Variants in TTC21B observed in about 807,000 individuals in gnomAD.
TTC21B encodes tetratricopeptide repeat domain 21B.
A neutral mutation model predicts 175.1 loss-of-function variants in TTC21B; 127 were observed. The ratio of observed to expected loss-of-function variants is 0.73; its 90% CI spans 0.63 to 0.84. The LOEUF is 0.84. TTC21B is among the 40% of genes least tolerant of loss of function. The probability of loss-of-function intolerance (pLI) is 0.00; values close to 1 mark genes in which losing one functional copy is unlikely to be tolerated. For synonymous variants in TTC21B, 524 were observed against 524.5 expected, an observed-to-expected ratio of 1.00 and a Z score of 0.01; for missense variants, 1,561 against 1,558.3, an observed-to-expected ratio of 1.00 and a Z score of -0.03.
intron 5 of TTC21B, among the ~76,000 whole-genome samples, chr2:165,941,842 T>C (rs952011101): frequency 6.6e-6 from 1 of 152,150 alleles, no homozygotes; most frequent in Non-Finnish European, 1.5e-5. Flanking sequence ...TTTGTAGACG[T>C]AGATTTACTG....
intron 27 of TTC21B, among the ~76,000 whole-genome samples, chr2:165,876,489 C>T (rs1684667323): frequency 2.6e-5 from 4 of 152,168 alleles, no homozygotes; most frequent in Non-Finnish European, 4.4e-5. Context: ...GCTGCCATCC[C>T]ACAAGTGTGG....
chr2:165,888,421 T>C lies in TTC21B; in HGVS notation c.3317A>G (p.Lys1106Arg). ...CTGAGGTTTTAGTTCCTTAAGAAGT[T>C]TTTCTGCTGTTCTTACTGCCAGTTG... ...SVQLAVRTAEKLLKELKPQTV... is the reference protein window; with the variant it reads ...SVQLAVRTAERLLKELKPQTV... Residue 1106 changes from lysine to arginine, a missense_variant, in exon 25 of 29, where the codon AAA becomes AGA. By Grantham distance (26) the Lys-to-Arg change is conservative (BLOSUM62 2). Transcript: ENST00000243344. The C allele has an allele frequency of 6.2e-7, 1 of 1,613,934 alleles. No individual in the cohort carries two copies. Among genetic ancestry groups the C allele is most frequent in the South Asian group, 1.1e-5 (1 of 91,082 alleles).
intron 13 of TTC21B, among the ~76,000 whole-genome samples, chr2:165,918,444 G>A (rs1686261913): frequency 6.6e-6 from 1 of 152,044 alleles, no homozygotes; most frequent in Non-Finnish European, 1.5e-5. Flanking sequence ...ACAGGCACCC[G>A]CCACCACGCC....
Position 165,929,262 on chromosome 2 carries a change from T to C in TTC21B, c.1259A>G (p.Asn420Ser), listed in dbSNP as rs1267990831. The C allele has an allele frequency of 6.2e-6, 10 of 1,612,926 alleles. No homozygotes were observed. In the Admixed American group the frequency reaches 1.2e-4, roughly 19 times the overall value. ...KRQEEVINLLNDVLDTHFSQL... is the reference protein window; with the variant it reads ...KRQEEVINLLSDVLDTHFSQL... Reference sequence around the variant, plus strand: ...TGAAAAGTGAGTGTCCAGGACATCATTTAACAAATTAATAACTTCTTCTTG... The same window carrying C: ...TGAAAAGTGAGTGTCCAGGACATCACTTAACAAATTAATAACTTCTTCTTG... Residue 420 changes from asparagine (N) to serine (S), a missense_variant, in exon 11 of 29, where the codon AAT becomes AGT. Transcript: ENST00000243344.
At chr2:165,907,861 C>T (rs982460402) in intron 18 of TTC21B, 77 bp from the exon 19 acceptor site, 11 of 1,033,010 alleles carry the variant, frequency 1.1e-5, no homozygotes, top group Non-Finnish European at 1.6e-5. Flanking sequence ...ATTTTTAAAA[C>T]TGGTCTCTAG....
intron 3 of TTC21B, among the ~76,000 whole-genome samples, chr2:165,946,791 T>C (rs1202595093): frequency 1.3e-5 from 2 of 152,054 alleles, no homozygotes; most frequent in Non-Finnish European, 1.5e-5. Flanking sequence ...TGAGCCTAGA[T>C]TGCACCACTG....
At chr2:165,899,966 G>A (rs1685497848) in intron 20 of TTC21B, 86 bp from the exon 21 acceptor site, 1 of 501,732 alleles carries the variant, frequency 2.0e-6, no homozygotes, top group African/African-American at 2.3e-5. Flanking sequence ...TTAAACTTTA[G>A]TTGACCAAAA....
chr2:165,929,674 G>T lies in TTC21B; in HGVS notation c.1161C>A (p.Ile387=). The stretch of plus-strand genomic sequence containing the variant: ...CCGCAGATTTTCCAATGGATTGCTG[G>T]ATTTCATTTAAAAATTCTAGCTGCT... ...ADQQLEFLNE[I]QQSIGKSAEL... is the part of the protein sequence containing the mutation. The change falls in exon 10 of 29, where the codon ATC becomes ATA. Residue 387 remains isoleucine (I), a synonymous_variant. Coordinates refer to ENST00000243344, the MANE Select transcript of TTC21B (RefSeq NM_024753.5). The T allele has an allele frequency of 6.2e-7, 1 of 1,612,250 alleles. No individual in the cohort carries two copies. Among genetic ancestry groups the T allele is most frequent in the Admixed American group, 1.7e-5 (1 of 59,896 alleles).
chr2:165,890,224 T>C (rs1685140780), intron 24 of TTC21B, among the ~76,000 whole-genome samples: 1 of 152,226 alleles, frequency 6.6e-6, no homozygotes, highest in South Asian at 2.1e-4. Flanking sequence ...ATGTCTATTA[T>C]TATTTAGGAA....
chr2:165,921,788 C>CTT (rs569807955), intron 12 of TTC21B, among the ~76,000 whole-genome samples: 9 of 129,038 alleles, frequency 7.0e-5, no homozygotes, highest in African/African-American at 2.3e-4. Context: ...GCTGCTCTTC[C>CTT]TTTTTTTTTT....
intron 6 of TTC21B, among the ~76,000 whole-genome samples, chr2:165,937,621 A>C (rs1687199109): frequency 6.6e-6 from 1 of 152,060 alleles, no homozygotes; most frequent in Non-Finnish European, 1.5e-5. Context: ...CTATTAAAAA[A>C]CAGTTTGGTG....
At chr2:165,910,713 T>C (rs1370040036) in intron 18 of TTC21B, among the ~76,000 whole-genome samples, 1 of 152,090 alleles carries the variant, frequency 6.6e-6, no homozygotes. Flanking sequence ...AAATAAGATA[T>C]ATAAACAAAA....
chr2:165,893,098 T>C (rs1685249131), intron 22 of TTC21B, among the ~76,000 whole-genome samples: 1 of 152,332 alleles, frequency 6.6e-6, no homozygotes, highest in East Asian at 1.9e-4. Context: ...ATATTGGTCT[T>C]GTCCTTTAGC....
Position 165,898,695 on chromosome 2 carries a change from G to A in TTC21B, c.2941C>T (p.Arg981Cys), listed in dbSNP as rs749278599. 3.7e-5 allele frequency: 60 copies of A among 1,608,900 alleles called. 1 individual carries two copies. Among genetic ancestry groups the A allele is most frequent in the South Asian group, 1.9e-4 (17 of 91,002 alleles). Residue 981 changes from arginine (R) to cysteine (C), a missense_variant, in exon 22 of 29, where the codon CGT (arginine) becomes TGT (cysteine). Transcript: ENST00000243344. ...AVFHLQQLLE[R>C]KPDNYMTLSR... ...ATAAGTAGGTATTTACCTGGCTTAC[G>A]TTCTAAAAGCTGCTGTAAATGAAAC...
At position 165,933,058 on chromosome 2, in the gene TTC21B, C is replaced by A; in HGVS notation, c.711-1G>T. On this transcript the variant is annotated splice_acceptor_variant, in intron 6 of 28. Coordinates refer to ENST00000243344, the MANE Select transcript of TTC21B (RefSeq NM_024753.5). LOFTEE classifies it high-confidence loss of function. ...ATTTTGGCTATCTTGGAGCAGCAAC[C>A]TGCAGGAAAACAATTTAGTTAATGT... The A allele has an allele frequency of 6.2e-7, 1 of 1,611,772 alleles. No homozygotes were observed. The highest frequency in any genetic ancestry group is 8.5e-7 in the Non-Finnish European group (1 of 1,178,914).
chr2:165,875,795 T>C (rs1684646854), intron 28 of TTC21B, among the ~76,000 whole-genome samples: 1 of 151,396 alleles, frequency 6.6e-6, no homozygotes, highest in South Asian at 2.1e-4. Context: ...TTTAACATGT[T>C]TCTCCCACTG....
At chr2:165,928,260 T>C (rs1686750862) in intron 11 of TTC21B, among the ~76,000 whole-genome samples, 1 of 152,092 alleles carries the variant, frequency 6.6e-6, no homozygotes, top group African/African-American at 2.4e-5. Context: ...TCTGAAAAGA[T>C]AAAATTTCAC....
At chr2:165,901,320 T>A (rs187263845) in intron 20 of TTC21B, among the ~76,000 whole-genome samples, 1 of 152,272 alleles carries the variant, frequency 6.6e-6, no homozygotes, top group East Asian at 1.9e-4. Context: ...TGTTTCTATT[T>A]TTTTATTTTA....
At position 165,874,715 on chromosome 2, in the gene TTC21B, T is replaced by C. The variant is rs747104869; in HGVS notation, c.*40A>G. 4 of 1,566,762 alleles carry C rather than the reference T, an allele frequency of 2.6e-6. No individual in the cohort carries two copies. In the South Asian group the frequency reaches 3.3e-5, roughly 13 times the overall value. ...AGGAAGAACTGAAAGTTAGATTTCT[T>C]TCATTTCCTGTTAAACCAACACCTA... is the stretch of plus-strand genomic sequence containing the variant. On this transcript the variant is annotated 3_prime_UTR_variant, in exon 29 of 29. Coordinates refer to ENST00000243344, the MANE Select transcript of TTC21B (RefSeq NM_024753.5).
Sources: allele counts gnomAD v4.1 joint callset (sites outside exome capture counted in the v4.1 genomes callset), GRCh38; gene constraint gnomAD v4.1.1; transcripts MANE v1.5; gene names NCBI Gene and HGNC (gene_info 2026-07-23, HGNC 2026-07-21).